PCSK6: variants seen among roughly 807,000 people sequenced by gnomAD.
The protein encoded by PCSK6 is proprotein convertase subtilisin/kexin type 6, also known as paired basic amino acid cleaving enzyme 4.
PCSK6 carries 85 observed loss-of-function variants against 123.3 expected under a neutral mutation model. That is an observed-to-expected ratio of 0.69 (90% CI 0.58 to 0.83). The LOEUF is 0.83. PCSK6 is among the 40% of genes least tolerant of loss of function. PCSK6 has a pLI of 0.00. For missense variants in PCSK6, 1,191 were observed against 1,282.3 expected (o/e 0.93, Z 1.09); for synonymous variants, 508 against 516.0 (o/e 0.98, Z 0.21).
At chr15:101,359,165 G>A (rs899351599) in intron 13 of PCSK6, among the ~76,000 whole-genome samples, 1 of 152,164 alleles carries the variant, frequency 6.6e-6, no homozygotes, top group Non-Finnish European at 1.5e-5. Context: ...AAGCTTGCAT[G>A]GAATGAACTG....
chr15:101,323,439 AG>A (rs2040177520), intron 17 of PCSK6, among the ~76,000 whole-genome samples: 1 of 152,216 alleles, frequency 6.6e-6, no homozygotes, highest in Non-Finnish European at 1.5e-5. Flanking sequence ...TCCCCGCTAA[AG>A]GGAGTCTGGG....
At chr15:101,408,112 G>C (rs1312743146) in intron 6 of PCSK6, among the ~76,000 whole-genome samples, 1 of 152,200 alleles carries the variant, frequency 6.6e-6, no homozygotes, top group Non-Finnish European at 1.5e-5. Context: ...AGGACAGCAG[G>C]CTTCTGAGCC....
intron 1 of PCSK6, among the ~76,000 whole-genome samples, chr15:101,470,940 C>A (rs1042420181): frequency 6.6e-6 from 1 of 152,216 alleles, no homozygotes; most frequent in African/African-American, 2.4e-5. Context: ...AGAAACACTG[C>A]GGAGCAAGAC....
At chr15:101,413,229 T>C (rs887918016) in intron 6 of PCSK6, among the ~76,000 whole-genome samples, 12 of 152,346 alleles carry the variant, frequency 7.9e-5, no homozygotes, top group Middle Eastern at 6.8e-3. Context: ...ATGTTTAATA[T>C]GTATGTATAT....
At position 101,305,213 on chromosome 15, in the gene PCSK6, A is replaced by G. The variant is rs1383565028; in HGVS notation, c.*45T>C. On this transcript the variant is annotated 3_prime_UTR_variant, in exon 22 of 22. Transcript: ENST00000611716. This position sits in a 1 kb window ranked among gnomAD's most constrained non-coding sequence, Gnocchi z 4.8. ...CGACAGTCTGGAGGAAGGTGGACGG[A>G]TGGATGGATGGGAGTGCCTGCCCTC... 1.4e-6 allele frequency: 2 copies of G among 1,476,704 alleles called. No individual in the cohort carries two copies. The highest frequency in any genetic ancestry group is 1.2e-5 in the South Asian group (1 of 86,092). The allele number at this position is 1,476,704 out of a possible 1,614,324, so 91.5% of individuals were successfully genotyped here. A position where few individuals can be genotyped will look rare whatever the true frequency, so the allele number is the denominator to read the frequency against.
intron 1 of PCSK6, among the ~76,000 whole-genome samples, chr15:101,482,510 T>A (rs2057913966): frequency 6.6e-6 from 1 of 152,146 alleles, no homozygotes; most frequent in Non-Finnish European, 1.5e-5. Flanking sequence ...ACTTTCTAGA[T>A]GCCACAATCT....
chr15:101,393,877 T>C (rs2042313738), intron 7 of PCSK6, among the ~76,000 whole-genome samples: 1 of 152,208 alleles, frequency 6.6e-6, no homozygotes, highest in South Asian at 2.1e-4. Flanking sequence ...GGGAAAAGAA[T>C]GATTTTTCTG....
intron 17 of PCSK6, among the ~76,000 whole-genome samples, chr15:101,323,910 C>G (rs976444567): frequency 2.6e-5 from 4 of 152,124 alleles, no homozygotes; most frequent in African/African-American, 9.7e-5. Context: ...TGGAAGACCA[C>G]GAGTGCCAAA....
Position 101,322,535 on chromosome 15 carries a change from C to T in PCSK6, c.2450G>A (p.Cys817Tyr). ...GGGGTTTTACCTGAATCCTTCTTTACAGACAGTACATTTCTCAGGTTCATC... is the reference window on the plus strand; with the variant it reads ...GGGGTTTTACCTGAATCCTTCTTTATAGACAGTACATTTCTCAGGTTCATC... ...CVDEPEKCTV[C>Y]KEGFSLARGS... Residue 817 changes from cysteine (C) to tyrosine (Y), a missense_variant, in exon 18 of 22, where the codon TGT becomes TAT. By Grantham distance (194) the Cys-to-Tyr change is radical. Around this residue, in one of 3 missense-constraint regions of PCSK6, gnomAD observed 630 missense variants for 631.4 expected, o/e 1.00. Coordinates refer to ENST00000611716, the MANE Select transcript of PCSK6 (RefSeq NM_002570.5). 6.2e-7 allele frequency: 1 copy of T among 1,613,052 alleles called. No homozygotes were observed. Among genetic ancestry groups the T allele is most frequent in the Non-Finnish European group, 8.5e-7 (1 of 1,179,074 alleles).
intron 6 of PCSK6, among the ~76,000 whole-genome samples, chr15:101,418,257 G>T (rs12911482): frequency 0.26 from 39,967 of 151,950 alleles, 5,324 homozygotes; most frequent in African/African-American, 0.28. Context: ...TCAGAAATCA[G>T]GCACTATCCA....
At chr15:101,412,773 G>A (rs1282801610) in intron 6 of PCSK6, among the ~76,000 whole-genome samples, 1 of 149,360 alleles carries the variant, frequency 6.7e-6, no homozygotes, top group African/African-American at 2.5e-5. Context: ...AGAGCATTAG[G>A]GACTTGTGAG....
Position 101,384,350 on chromosome 15 carries a change from G to A in PCSK6, c.1386C>T (p.Asp462=), listed in dbSNP as rs755195704. 3 of 1,613,798 alleles carry A rather than the reference G, an allele frequency of 1.9e-6. No individual in the cohort carries two copies. The South Asian group carries it at 3.3e-5, about 18-fold the overall frequency. ...TATGACCCGCGCCGTTCACTTTCCA[G>A]TCGCTCGCTTTCAGGTGGGCCGGCC... The part of the protein sequence containing the change: ...TSRPAHLKAS[D]WKVNGAGHKV... The change falls in exon 10 of 22, where the codon GAC becomes GAT. Residue 462 remains aspartate (D), a synonymous_variant. Transcript: ENST00000611716.
At chr15:101,449,079 G>A (rs2056966344) in intron 1 of PCSK6, among the ~76,000 whole-genome samples, 1 of 152,128 alleles carries the variant, frequency 6.6e-6, no homozygotes, top group Admixed American at 6.5e-5. Context: ...ATACAGTCAT[G>A]CCTTGGCATC....
intron 11 of PCSK6, among the ~76,000 whole-genome samples, chr15:101,376,348 G>A (rs1195681897): frequency 6.6e-6 from 1 of 152,218 alleles, no homozygotes; most frequent in Admixed American, 6.5e-5. Flanking sequence ...TGAGAAAGCA[G>A]AGACCTGCCT....
chr15:101,468,216 T>G (rs2057513671), intron 1 of PCSK6, among the ~76,000 whole-genome samples: 1 of 152,062 alleles, frequency 6.6e-6, no homozygotes, highest in South Asian at 2.1e-4. Context: ...TAGCAGTAAG[T>G]AGTAAATGAG....
chr15:101,371,471 T>A (rs941884565), intron 11 of PCSK6, among the ~76,000 whole-genome samples: 1 of 152,116 alleles, frequency 6.6e-6, no homozygotes, highest in Non-Finnish European at 1.5e-5. Flanking sequence ...AACAAACAAA[T>A]AAAAAATCCC....
intron 11 of PCSK6, 104 bp downstream of exon 11, chr15:101,381,988 G>A (rs1567178042): frequency 8.3e-6 from 6 of 721,882 alleles, no homozygotes; most frequent in Middle Eastern, 3.4e-4. Context: ...ACGCACATGT[G>A]CACAGAATGC....
chr15:101,409,368 G>A (rs956412080), intron 6 of PCSK6, among the ~76,000 whole-genome samples: 1 of 152,054 alleles, frequency 6.6e-6, no homozygotes, highest in South Asian at 2.1e-4. Context: ...GGCGGATCAC[G>A]AGGTCAGGAG....
chr15:101,460,285 C>A (rs765461648), intron 1 of PCSK6, among the ~76,000 whole-genome samples: 2 of 152,222 alleles, frequency 1.3e-5, no homozygotes, highest in Non-Finnish European at 2.9e-5. Context: ...CTGCCCCAGC[C>A]TTTTCCTGCC....
Sources: gnomAD v4.1 joint callset for allele counts (sites outside exome capture counted in the v4.1 genomes callset) on GRCh38, gnomAD v4.1.1 for gene constraint, gnomAD v4.1.1 regional missense constraint, Gnocchi (gnomAD v3.1) non-coding constraint, MANE v1.5 for transcripts, NCBI Gene and HGNC (gene_info 2026-07-23, HGNC 2026-07-21) for gene names.